The following TENM3 variants were observed in gnomAD, a reference collection of about 807,000 sequenced individuals.
TENM3 encodes teneurin-3.
In TENM3, 63 loss-of-function variants were observed where a neutral mutation model predicts 255.1. The ratio of observed to expected loss-of-function variants is 0.25; its 90% CI spans 0.20 to 0.30. TENM3 has a LOEUF of 0.30. TENM3 is among the 10% of genes least tolerant of loss of function. The probability of loss-of-function intolerance (pLI) is 1.00; values close to 1 mark genes in which losing one functional copy is unlikely to be tolerated. For missense variants in TENM3, 2,929 were observed against 3,461.1 expected (o/e 0.85, Z 3.86); for synonymous variants, 1,306 against 1,322.3 (o/e 0.99, Z 0.27).
the TENM3 span, among the ~76,000 whole-genome samples, chr4:181,677,451 C>T: frequency 1.3e-5 from 2 of 152,162 alleles, no homozygotes; most frequent in Non-Finnish European, 2.9e-5. Context: ...TCTTTCACTT[C>T]ACATTGTCTA....
At position 182,583,333 on chromosome 4, in the gene TENM3, C is replaced by CTGTGTGTGTGTG. The variant is rs3073440; in HGVS notation, c.512-17557_512-17546dup. On this transcript the variant is annotated intron_variant, in intron 3 of 27. Coordinates refer to ENST00000511685, the MANE Select transcript of TENM3 (RefSeq NM_001080477.4). ...GAGTTAGCAACTGAAGCTTAAACCT[C>CTGTGTGTGTGTG]TGTGTGTGTGTGTGTGTGTGTGTGT... 7.6e-4 allele frequency among the ~76,000 whole-genome samples: 109 copies of CTGTGTGTGTGTG among 143,514 alleles called. 1 individual carries two copies. Among genetic ancestry groups the CTGTGTGTGTGTG allele is most frequent in the African/African-American group, 1.0e-3 (39 of 38,272 alleles). The allele number at this position is 143,514 out of a possible 152,430, so 94.2% of individuals were successfully genotyped here. A position where few individuals can be genotyped will look rare whatever the true frequency, so the allele number is the denominator to read the frequency against.
At chr4:182,470,957 A>AT (rs996269209) in intron 3 of TENM3, among the ~76,000 whole-genome samples, 2 of 152,158 alleles carry the variant, frequency 1.3e-5, no homozygotes, top group African/African-American at 4.8e-5. Context: ...GATCAGTATT[A>AT]TTTTTTAGTA....
At chr4:182,710,356 G>C (rs1396932063) in intron 12 of TENM3, among the ~76,000 whole-genome samples, 1 of 152,068 alleles carries the variant, frequency 6.6e-6, no homozygotes, top group African/African-American at 2.4e-5. Context: ...TTATATGAAT[G>C]TTATGCAGTA....
the TENM3 span, among the ~76,000 whole-genome samples, chr4:181,823,452 G>A: frequency 6.6e-6 from 1 of 152,070 alleles, no homozygotes; most frequent in Non-Finnish European, 1.5e-5. Flanking sequence ...CAAAAGAATG[G>A]TCTTTTTGAA....
chr4:182,101,238 GGAAAGAAGGGAGGGAGGAAGGAAA>G, the TENM3 span, among the ~76,000 whole-genome samples: 1 of 125,270 alleles, frequency 8.0e-6, no homozygotes, highest in South Asian at 3.0e-4. Flanking sequence ...GAGGGAGGAA[GGAAAGAAGGGAGGGAGGAAGGAAA>G]GAAGGAAGGA....
the TENM3 span, among the ~76,000 whole-genome samples, chr4:181,879,811 G>A: frequency 1.2e-4 from 19 of 152,058 alleles, no homozygotes; most frequent in Admixed American, 9.8e-4. Context: ...GTGGCACTTC[G>A]TTGATTGCTC....
chr4:181,557,486 T>C, the TENM3 span, among the ~76,000 whole-genome samples: 1 of 152,222 alleles, frequency 6.6e-6, no homozygotes, highest in Non-Finnish European at 1.5e-5. Context: ...TTTATACATA[T>C]TGAATGTGTT....
chr4:181,700,393 A>G, the TENM3 span, among the ~76,000 whole-genome samples: 1 of 152,200 alleles, frequency 6.6e-6, no homozygotes, highest in East Asian at 1.9e-4. Context: ...CTGATCCAAA[A>G]AAGAATCCAT....
At chr4:182,741,034 G>T (rs1270898254) in intron 18 of TENM3, among the ~76,000 whole-genome samples, 1 of 152,056 alleles carries the variant, frequency 6.6e-6, no homozygotes, top group Non-Finnish European at 1.5e-5. Context: ...AAATTAGCCA[G>T]GCTTAGTAGT....
chr4:182,715,365 T>G (rs1579210494), intron 13 of TENM3, among the ~76,000 whole-genome samples: 1 of 152,114 alleles, frequency 6.6e-6, no homozygotes, highest in Non-Finnish European at 1.5e-5. Flanking sequence ...CTGGCTAGAG[T>G]GTAGGTTTTG....
At chr4:182,512,754 T>G (rs1042260327) in intron 3 of TENM3, among the ~76,000 whole-genome samples, 8 of 152,162 alleles carry the variant, frequency 5.3e-5, no homozygotes, top group Non-Finnish European at 1.2e-4. Flanking sequence ...GGCAAATGAC[T>G]TAATCCCTCT....
intron 3 of TENM3, among the ~76,000 whole-genome samples, chr4:182,480,986 G>T (rs1177239154): frequency 6.6e-6 from 1 of 151,958 alleles, no homozygotes; most frequent in Non-Finnish European, 1.5e-5. Context: ...TTAAATACTA[G>T]TCTATTTGAA....
the TENM3 span, among the ~76,000 whole-genome samples, chr4:181,531,819 C>T: frequency 6.6e-6 from 1 of 152,178 alleles, no homozygotes; most frequent in Non-Finnish European, 1.5e-5. Context: ...GGCACTGCTG[C>T]TTAAGCAGAA....
chr4:181,697,619 C>G, the TENM3 span, among the ~76,000 whole-genome samples: 2 of 151,988 alleles, frequency 1.3e-5, no homozygotes, highest in Non-Finnish European at 2.9e-5. Context: ...GTCTCGATCT[C>G]CTGACCTCGT....
intron 1 of TENM3, among the ~76,000 whole-genome samples, chr4:182,280,169 T>C (rs1445481162): frequency 6.6e-6 from 1 of 152,204 alleles, no homozygotes; most frequent in Non-Finnish European, 1.5e-5. Context: ...GACCATTCAG[T>C]TGGAGACTTC....
At chr4:181,640,703 T>C in the TENM3 span, among the ~76,000 whole-genome samples, 3 of 152,146 alleles carry the variant, frequency 2.0e-5, no homozygotes, top group Admixed American at 2.0e-4. Context: ...GGTCATCTCA[T>C]TCTTGATTGG....
chr4:182,251,262 G>A (rs954848006), intron 1 of TENM3, among the ~76,000 whole-genome samples: 5 of 152,164 alleles, frequency 3.3e-5, no homozygotes, highest in South Asian at 4.1e-4. Context: ...GTGAGGCCAC[G>A]AGTTCCAGAC....
the TENM3 span, among the ~76,000 whole-genome samples, chr4:181,821,127 G>A: frequency 6.6e-6 from 1 of 152,134 alleles, no homozygotes; most frequent in African/African-American, 2.4e-5. Context: ...GTCCCTGATA[G>A]CCACCTTCTC....
intron 1 of TENM3, among the ~76,000 whole-genome samples, chr4:182,198,691 G>A (rs1184904707): frequency 6.6e-6 from 1 of 152,370 alleles, no homozygotes; most frequent in East Asian, 1.9e-4. Flanking sequence ...GTGTCAGGTA[G>A]TGCGGAGTGG....
Sources: allele counts gnomAD v4.1 joint callset (sites outside exome capture counted in the v4.1 genomes callset), GRCh38; gene constraint gnomAD v4.1.1; transcripts MANE v1.5; gene names NCBI Gene and HGNC (gene_info 2026-07-23, HGNC 2026-07-21).